TRPM2: variants seen among roughly 807,000 people sequenced by gnomAD.
TRPM2 encodes the protein estrogen-responsive element-associated gene 1 protein.
Under a neutral mutation model 174.0 loss-of-function variants are expected in TRPM2, and 161 were observed. The observed-to-expected ratio is 0.93, with a 90% CI of 0.81 to 1.05. The LOEUF is 1.05. Ranked by LOEUF, TRPM2 falls within the 50% of genes least tolerant of loss-of-function variation. TRPM2 has a pLI of 0.00. For missense variants in TRPM2, 2,057 were observed against 2,038.0 expected, an observed-to-expected ratio of 1.01 and a Z score of -0.18; for synonymous variants, 954 against 861.3, an observed-to-expected ratio of 1.11 and a Z score of -1.88.
rs1297878984 is a variant in TRPM2 at position 44,367,775 on chromosome 21, G to T, written c.604+841G>T. Among the ~76,000 whole-genome samples the T allele has an allele frequency of 6.6e-6, 1 of 152,224 alleles. No individual in the cohort carries two copies. Among genetic ancestry groups the T allele is most frequent in the African/African-American group, 2.4e-5 (1 of 41,454 alleles). On this transcript the variant is annotated intron_variant, in intron 4 of 31. Coordinates refer to ENST00000397928, the MANE Select transcript of TRPM2 (RefSeq NM_003307.4). This position sits in a 1 kb window ranked among gnomAD's most constrained non-coding sequence, Gnocchi z 4.6. ...AACTGAGCCTGACTTGGCCTGCATG[G>T]CTCACAGAGTCCTCAGTTTCATTGT...
rs753312448 is a variant in TRPM2 at position 44,375,934 on chromosome 21, C to T, written c.873C>T (p.Thr291=). The change falls in exon 6 of 32, where the codon ACC becomes ACT. Residue 291 remains threonine (T), a synonymous_variant. Coordinates refer to ENST00000397928, the MANE Select transcript of TRPM2 (RefSeq NM_003307.4). ...ACTTCATCCTCGTGGACGACGGGACCCACGGCCAGTACGGGGTGGAGATTC... is the reference window on the plus strand; with the variant it reads ...ACTTCATCCTCGTGGACGACGGGACTCACGGCCAGTACGGGGTGGAGATTC... ...HSHFILVDDG[T]HGQYGVEIPL... is the part of the protein sequence containing the mutation. 3.1e-6 allele frequency: 5 copies of T among 1,613,982 alleles called. No individual in the cohort carries two copies. The African/African-American group carries it at 4.0e-5, about 13-fold the overall frequency.
intron 8 of TRPM2, among the ~76,000 whole-genome samples, chr21:44,379,782 A>G (rs2048825561): frequency 6.6e-6 from 1 of 152,194 alleles, no homozygotes; most frequent in Non-Finnish European, 1.5e-5. Context: ...GCTCCAGTGG[A>G]GAGCCTCTCC....
chr21:44,435,100 G>A (rs775282254), intron 27 of TRPM2, 31 bp from the exon 28 acceptor site: 13 of 1,602,594 alleles, frequency 8.1e-6, no homozygotes, highest in African/African-American at 4.0e-5. Context: ...ATTGGTGGAC[G>A]GTGGACTGAC....
In TRPM2 at chr21:44,395,346, G is replaced by GAGTGCAGGGCCTGC. The variant is rs2049309388; in HGVS notation, c.1795-67_1795-66insGTGCAGGGCCTGCA. On this transcript the variant is annotated intron_variant, in intron 11 of 31. Coordinates refer to ENST00000397928, the MANE Select transcript of TRPM2 (RefSeq NM_003307.4). ...GGCTGGGGTCAGGGCCTGCACCTCT[G>GAGTGCAGGGCCTGC]ACAGGCTCCGCCAGTGACTCTGAGC... The GAGTGCAGGGCCTGC allele has an allele frequency of 4.4e-6, 7 of 1,573,850 alleles. No individual in the cohort carries two copies. The East Asian group carries it at 1.6e-4, about 35-fold the overall frequency.
At chr21:44,398,672 C>T (rs555536457) in intron 13 of TRPM2, among the ~76,000 whole-genome samples, 1 of 152,228 alleles carries the variant, frequency 6.6e-6, no homozygotes, top group Non-Finnish European at 1.5e-5. Context: ...GCTGTTTCTG[C>T]GTGTGGTCAC....
chr21:44,418,019 C>T lies in TRPM2; in HGVS notation c.3239C>T (p.Ala1080Val), dbSNP rs139485554. 420 of 1,612,926 alleles carry T rather than the reference C, an allele frequency of 2.6e-4. No individual in the cohort carries two copies. Among genetic ancestry groups the T allele is most frequent in the African/African-American group, 5.7e-4 (43 of 74,924 alleles). The change falls in exon 21 of 32, where the codon GCG becomes GTG. Residue 1080 changes from alanine (A) to valine (V), a missense_variant. Physicochemically the swap from Ala to Val is moderately conservative, Grantham distance 64. Transcript: ENST00000397928. ...GAGGAGTACCACGGCCGCCCCGCCG[C>T]GCCGCCCCCCTTCATCCTCCTCAGC... ...LIEEYHGRPA[A>V]PPPFILLSHL...
Position 44,369,216 on chromosome 21 carries a change from T to G in TRPM2, c.644T>G (p.Met215Arg), listed in dbSNP as rs752562253. Residue 215 changes from methionine to arginine, a missense_variant, in exon 5 of 32, where the codon ATG (methionine) becomes AGG (arginine). Coordinates refer to ENST00000397928, the MANE Select transcript of TRPM2 (RefSeq NM_003307.4). ...ACAGGGGGGTCCCACACCGGCGTCA[T>G]GAAGCAGGTAGGCGAGGCGGTGCGG... ...IITGGSHTGVMKQVGEAVRDF... is the reference protein window; with the variant it reads ...IITGGSHTGVRKQVGEAVRDF... 1.2e-6 allele frequency: 2 copies of G among 1,613,324 alleles called. No individual in the cohort carries two copies. The highest frequency in any genetic ancestry group is 1.7e-6 in the Non-Finnish European group (2 of 1,179,766).
At chr21:44,424,179 C>T (rs780523373) in intron 23 of TRPM2, among the ~76,000 whole-genome samples, 6 of 152,198 alleles carry the variant, frequency 3.9e-5, no homozygotes, top group Admixed American at 6.5e-5. Flanking sequence ...CCTGCGGCCA[C>T]GGCAGCCCCT....
chr21:44,430,279 G>A (rs986766837), intron 27 of TRPM2, among the ~76,000 whole-genome samples: 1 of 152,072 alleles, frequency 6.6e-6, no homozygotes, highest in Non-Finnish European at 1.5e-5. Context: ...TGAATGAGCT[G>A]GTCAGCTTTC....
rs574135257 is a variant in TRPM2, at chr21:44,439,451, C to T, written c.4269+283C>T. Among the ~76,000 whole-genome samples, 215 of 152,258 alleles carry T rather than the reference C, an allele frequency of 1.4e-3. 2 individuals carry two copies. The highest frequency in any genetic ancestry group is 4.8e-3 in the African/African-American group (198 of 41,544). ...ATGGGCTGAGGACCCTTGCTGCCTTCGAGTGTGACAGCTGCTTGGAGGCCT... is the reference window on the plus strand; with the variant it reads ...ATGGGCTGAGGACCCTTGCTGCCTTTGAGTGTGACAGCTGCTTGGAGGCCT... On this transcript the variant is annotated intron_variant, in intron 30 of 31. Transcript: ENST00000397928. This position sits in a 1 kb window ranked among gnomAD's most constrained non-coding sequence, Gnocchi z 5.1.
At chr21:44,368,901 G>T (rs1435879775) in intron 4 of TRPM2, among the ~76,000 whole-genome samples, 1 of 152,190 alleles carries the variant, frequency 6.6e-6, no homozygotes, top group Non-Finnish European at 1.5e-5. Flanking sequence ...ATACAAGAAT[G>T]CAGAGAGGTG....
intron 3 of TRPM2, among the ~76,000 whole-genome samples, chr21:44,365,235 G>C (rs541305255): frequency 1.3e-5 from 2 of 152,356 alleles, no homozygotes; most frequent in African/African-American, 4.8e-5. Context: ...CAGCCTTCTG[G>C]AGGGTTCTGA....
intron 5 of TRPM2, among the ~76,000 whole-genome samples, chr21:44,374,344 C>A (rs2048633344): frequency 6.6e-6 from 1 of 152,080 alleles, no homozygotes; most frequent in African/African-American, 2.4e-5. Context: ...CGGTCCCCAG[C>A]CTTTTTGGCA....
At chr21:44,374,869 TA>T (rs1333668260) in intron 5 of TRPM2, among the ~76,000 whole-genome samples, 2 of 152,198 alleles carry the variant, frequency 1.3e-5, no homozygotes, top group African/African-American at 4.8e-5. Context: ...ACCCCTGCTC[TA>T]GGGCAACAAA....
intron 12 of TRPM2, 99 bp from the exon 13 acceptor site, chr21:44,397,648 C>G: frequency 1.5e-6 from 2 of 1,368,610 alleles, no homozygotes; most frequent in Non-Finnish European, 9.7e-7. Flanking sequence ...CCCGCACTGT[C>G]CCCGGGCCTC....
chr21:44,354,497 G>T lies in TRPM2; in HGVS notation c.166-151G>T. 3.1e-6 allele frequency: 2 copies of T among 643,652 alleles called. No individual in the cohort carries two copies. Among genetic ancestry groups the T allele is most frequent in the Non-Finnish European group, 5.5e-6 (2 of 360,704 alleles). 39.9% of individuals were successfully genotyped at this position (643,652 alleles called of 1,614,324 possible). On this transcript the variant is annotated intron_variant, in intron 1 of 31. Transcript: ENST00000397928. This position sits in a 1 kb window ranked among gnomAD's most constrained non-coding sequence, Gnocchi z 4.3. ...ATCCCCACCGGAGAGTCTTGGCAAGGTGCTTCTAATCTTTGGCTCAGGGTC... is the reference window on the plus strand; with the variant it reads ...ATCCCCACCGGAGAGTCTTGGCAAGTTGCTTCTAATCTTTGGCTCAGGGTC...
At chr21:44,403,613 G>A (rs1392610796) in intron 16 of TRPM2, among the ~76,000 whole-genome samples, 3 of 148,450 alleles carry the variant, frequency 2.0e-5, no homozygotes, top group African/African-American at 5.0e-5. Flanking sequence ...ACACACATAG[G>A]CACACACATT....
chr21:44,401,588 G>A (rs1601157973), intron 15 of TRPM2, 93 bp from the exon 16 acceptor site: 5 of 1,332,470 alleles, frequency 3.8e-6, no homozygotes, highest in Non-Finnish European at 5.3e-6. Flanking sequence ...ATCTCTCTGA[G>A]GGGCACGGGG....
In TRPM2 at chr21:44,391,541, G is replaced by A. The variant is rs1265071833; in HGVS notation, c.1710G>A (p.Gly570=). 2 of 1,602,916 alleles carry A rather than the reference G, an allele frequency of 1.2e-6. No homozygotes were observed. Among genetic ancestry groups the A allele is most frequent in the Non-Finnish European group, 1.7e-6 (2 of 1,178,378 alleles). Residue 570 remains glycine (G), a synonymous_variant, in exon 11 of 32, where the codon GGG becomes GGA. Coordinates refer to ENST00000397928, the MANE Select transcript of TRPM2 (RefSeq NM_003307.4). The surrounding 1 kb of genome is among the most constrained non-coding windows in gnomAD (Gnocchi z 5.0). ...HVAQVLRELL[G]DFTQPLYPRP... is the part of the protein sequence containing the mutation. ...CCCAGGTGCTGCGGGAGCTGCTGGG[G>A]GACTTCACGCAGCCGCTTTATCCCC...
Sources: gnomAD v4.1 joint callset for allele counts (sites outside exome capture counted in the v4.1 genomes callset) on GRCh38, gnomAD v4.1.1 for gene constraint, Gnocchi (gnomAD v3.1) non-coding constraint, MANE v1.5 for transcripts, NCBI Gene and HGNC (gene_info 2026-07-23, HGNC 2026-07-21) for gene names.